The following DTNB variants were observed in gnomAD, a reference collection of about 807,000 sequenced individuals.
DTNB encodes the protein dystrobrevin beta.
Under a neutral mutation model 90.7 loss-of-function variants are expected in DTNB, and 63 were observed. The ratio of observed to expected loss-of-function variants is 0.69; its 90% CI spans 0.57 to 0.86. DTNB has a LOEUF of 0.86. Ranked by LOEUF, DTNB falls within the 40% of genes least tolerant of loss-of-function variation. The pLI is 0.00. For synonymous variants in DTNB, 277 were observed against 286.7 expected (o/e 0.97, Z 0.34); for missense variants, 744 against 807.1 (o/e 0.92, Z 0.95).
chr2:25,613,734 C>T (rs1019599563), intron 4 of DTNB, among the ~76,000 whole-genome samples: 4 of 151,466 alleles, frequency 2.6e-5, no homozygotes, highest in Non-Finnish European at 4.4e-5. Context: ...CCAAGGTGGG[C>T]GGATCATGAG....
chr2:25,613,303 T>C (rs2069164912), intron 4 of DTNB, among the ~76,000 whole-genome samples: 2 of 152,140 alleles, frequency 1.3e-5, no homozygotes, highest in Admixed American at 6.6e-5. Flanking sequence ...CATGCGTATA[T>C]TGCGTGATGC....
chr2:25,652,610 C>G lies in DTNB; in HGVS notation c.51G>C (p.Gln17His), dbSNP rs759500580. Residue 17 changes from glutamine to histidine, a missense_variant, in exon 2 of 21, where the codon CAG becomes CAC. Coordinates refer to ENST00000406818, the MANE Select transcript of DTNB (RefSeq NM_021907.5). ...NKRKTMAEKR[Q>H]LFIEMRAQNF... ...AAGACTCACGCATTTCTATGAACAG[C>G]TGCCTCTTCTCTGCCATGGTCTTCC... 1.9e-6 allele frequency: 3 copies of G among 1,612,374 alleles called. No homozygotes were observed. The highest frequency in any genetic ancestry group is 1.1e-5 in the South Asian group (1 of 90,994).
At chr2:25,389,202 T>C (rs550982185) in intron 16 of DTNB, among the ~76,000 whole-genome samples, 4 of 152,248 alleles carry the variant, frequency 2.6e-5, no homozygotes, top group African/African-American at 7.2e-5. Context: ...AAAGAGACGT[T>C]GTGTCAGGCC....
chr2:25,664,422 G>A (rs2083918022), intron 1 of DTNB, among the ~76,000 whole-genome samples: 1 of 152,142 alleles, frequency 6.6e-6, no homozygotes, highest in South Asian at 2.1e-4. Flanking sequence ...TGATCTGAAA[G>A]ACCACTAAAC....
intron 14 of DTNB, among the ~76,000 whole-genome samples, chr2:25,431,953 T>C (rs2054000510): frequency 6.6e-6 from 1 of 152,166 alleles, no homozygotes; most frequent in Admixed American, 6.5e-5. Context: ...TTTTTTCACC[T>C]GCACAGTTTA....
intron 8 of DTNB, among the ~76,000 whole-genome samples, chr2:25,540,435 T>C (rs919537195): frequency 6.6e-6 from 1 of 152,220 alleles, no homozygotes; most frequent in African/African-American, 2.4e-5. Flanking sequence ...TAAGTTGTGA[T>C]AAAACATACA....
At chr2:25,395,334 A>C (rs2042106990) in intron 16 of DTNB, among the ~76,000 whole-genome samples, 2 of 152,162 alleles carry the variant, frequency 1.3e-5, no homozygotes, top group African/African-American at 4.8e-5. Flanking sequence ...TAACAAACTT[A>C]TTCATGTAAT....
At chr2:25,542,997 C>T (rs2081611411) in intron 8 of DTNB, among the ~76,000 whole-genome samples, 1 of 151,834 alleles carries the variant, frequency 6.6e-6, no homozygotes, top group Non-Finnish European at 1.5e-5. Context: ...TCACTGTGTT[C>T]CTGTTAACTT....
chr2:25,395,539 TATAC>T (rs1232816599), intron 16 of DTNB, among the ~76,000 whole-genome samples: 1 of 149,196 alleles, frequency 6.7e-6, no homozygotes, highest in Non-Finnish European at 1.5e-5. Context: ...AATCACAATA[TATAC>T]ATAAATATAA....
chr2:25,408,551 A>AT (rs1485047222), intron 16 of DTNB, among the ~76,000 whole-genome samples: 2 of 150,954 alleles, frequency 1.3e-5, no homozygotes, highest in African/African-American at 4.9e-5. Flanking sequence ...AAAAAAAAAA[A>AT]AAAAAAAAAA....
chr2:25,427,769 A>C, intron 14 of DTNB, 138 bp from the exon 15 acceptor site: 1 of 693,838 alleles, frequency 1.4e-6, no homozygotes, highest in East Asian at 2.8e-5. Flanking sequence ...CCAATACCTC[A>C]TAAAATGGTG....
At chr2:25,561,174 G>A (rs564742742) in intron 8 of DTNB, among the ~76,000 whole-genome samples, 42 of 152,066 alleles carry the variant, frequency 2.8e-4, no homozygotes, top group Non-Finnish European at 4.3e-4. Context: ...TCTCCCTCAC[G>A]GCCTAATTTC....
At chr2:25,381,914 G>A (rs920484289) in intron 19 of DTNB, among the ~76,000 whole-genome samples, 1 of 152,240 alleles carries the variant, frequency 6.6e-6, no homozygotes, top group African/African-American at 2.4e-5. Context: ...TATGGGCCAA[G>A]AATGCTCCAG....
intron 10 of DTNB, among the ~76,000 whole-genome samples, chr2:25,461,095 G>A (rs1319144009): frequency 6.6e-6 from 1 of 152,158 alleles, no homozygotes; most frequent in East Asian, 1.9e-4. Context: ...GTAGAGATGG[G>A]GTTTTGCCAT....
At position 25,388,185 on chromosome 2, in the gene DTNB, C is replaced by G; in HGVS notation, c.1735+17G>C. 1.3e-6 allele frequency: 2 copies of G among 1,555,592 alleles called. No individual in the cohort carries two copies. The highest frequency in any genetic ancestry group is 1.7e-6 in the Non-Finnish European group (2 of 1,151,134). ...CATCCCTTCAGCTCCCCGCTGAACT[C>G]TGCTCCAGAAACTCACCTTGTGCGA... is the stretch of plus-strand genomic sequence containing the variant. On this transcript the variant is annotated intron_variant, in intron 17 of 20. Transcript: ENST00000406818.
intron 2 of DTNB, among the ~76,000 whole-genome samples, chr2:25,651,115 T>A (rs1177915221): frequency 2.0e-5 from 3 of 152,152 alleles, no homozygotes; most frequent in Non-Finnish European, 4.4e-5. Context: ...TTAAAAAAAA[T>A]TAGTAATAAA....
At chr2:25,545,573 GA>G (rs2082236094) in intron 8 of DTNB, among the ~76,000 whole-genome samples, 1 of 152,138 alleles carries the variant, frequency 6.6e-6, no homozygotes, top group Non-Finnish European at 1.5e-5. Context: ...ATCCAATATG[GA>G]AGCCACTAGC....
rs763301694 is a variant in DTNB, at chr2:25,523,641, CA to C, written c.1001+7831del. 9.8e-3 allele frequency among the ~76,000 whole-genome samples: 902 copies of C among 92,254 alleles called. 5 individuals are homozygous for C. The highest frequency in any genetic ancestry group is 0.016 in the Non-Finnish European group (667 of 41,884). 60.5% of individuals were successfully genotyped at this position (92,254 alleles called of 152,430 possible). On this transcript the variant is annotated intron_variant, in intron 9 of 20. Transcript: ENST00000406818. ...GGGCGACAGAGCAAGACTCTGTCTC[CA>C]AAAAAAAAAAAAAAAAGAACTGCTA...
chr2:25,536,621 G>A (rs1334202700), intron 8 of DTNB, among the ~76,000 whole-genome samples: 1 of 152,146 alleles, frequency 6.6e-6, no homozygotes, highest in Non-Finnish European at 1.5e-5. Flanking sequence ...AGAATCACCG[G>A]AGCCCGAGGC....
Sources: gnomAD v4.1 joint callset for allele counts (sites outside exome capture counted in the v4.1 genomes callset) on GRCh38, gnomAD v4.1.1 for gene constraint, MANE v1.5 for transcripts, NCBI Gene and HGNC (gene_info 2026-07-23, HGNC 2026-07-21) for gene names.